CACNA1C: variants seen among roughly 807,000 people sequenced by gnomAD.
The protein encoded by CACNA1C is calcium voltage-gated channel subunit alpha1 C, also known as voltage-dependent L-type calcium channel subunit alpha-1C.
CACNA1C carries 30 observed loss-of-function variants against 229.0 expected under a neutral mutation model. The ratio of observed to expected loss-of-function variants is 0.13; its 90% CI spans 0.10 to 0.18. The LOEUF is 0.18. CACNA1C is among the 10% of genes least tolerant of loss of function. The pLI, the probability that CACNA1C is intolerant of heterozygous loss-of-function variation, is 1.00. For synonymous variants in CACNA1C, 1,114 were observed against 1,132.5 expected (o/e 0.98, Z 0.33); for missense variants, 1,658 against 2,845.0 (o/e 0.58, Z 9.49).
chr12:2,216,710 G>T (rs1032488909), intron 3 of CACNA1C, among the ~76,000 whole-genome samples: 8 of 152,182 alleles, frequency 5.3e-5, no homozygotes, highest in Middle Eastern at 3.2e-3. Flanking sequence ...CCTTCATAGG[G>T]CTGGGACATC....
chr12:2,078,114 G>A (rs544578764), intron 1 of CACNA1C, among the ~76,000 whole-genome samples: 33 of 152,194 alleles, frequency 2.2e-4, no homozygotes, highest in Non-Finnish European at 4.1e-4. Context: ...GATGAGGCCA[G>A]GAGGTGGGCC....
At chr12:2,293,955 G>T (rs538019464) in intron 3 of CACNA1C, among the ~76,000 whole-genome samples, 1 of 152,036 alleles carries the variant, frequency 6.6e-6, no homozygotes, top group African/African-American at 2.4e-5. Context: ...AACTCTAATA[G>T]CAAGTCTTCT....
At chr12:1,991,000 G>T in intron 1 of CACNA1C, 1 of 371,152 alleles carries the variant, frequency 2.7e-6, no homozygotes, top group South Asian at 2.0e-5. Flanking sequence ...AAAAAAAAAG[G>T]CAAAATGAAT....
chr12:2,337,937 A>G (rs1391550425), intron 3 of CACNA1C, among the ~76,000 whole-genome samples: 1 of 152,186 alleles, frequency 6.6e-6, no homozygotes, highest in African/African-American at 2.4e-5. Context: ...AGTATCCCAC[A>G]GGCAGCCCCC....
intron 1 of CACNA1C, among the ~76,000 whole-genome samples, chr12:2,097,988 G>A (rs2074959926): frequency 6.6e-6 from 1 of 152,214 alleles, no homozygotes; most frequent in Non-Finnish European, 1.5e-5. Context: ...ACCTCGTACG[G>A]TATCTGGTGG....
At chr12:2,277,636 A>G (rs2089349393) in intron 3 of CACNA1C, among the ~76,000 whole-genome samples, 1 of 152,136 alleles carries the variant, frequency 6.6e-6, no homozygotes, top group African/African-American at 2.4e-5. Flanking sequence ...TTCCTCTTGA[A>G]GGTCCCAGTT....
intron 13 of CACNA1C, 72 bp from the exon 14 acceptor site, chr12:2,581,518 G>C: frequency 1.5e-6 from 2 of 1,372,814 alleles, no homozygotes; most frequent in East Asian, 2.5e-5. Context: ...GCAGTGGGCA[G>C]TTGTGAGAAT....
chr12:2,127,520 C>A (rs1484703875), intron 3 of CACNA1C, among the ~76,000 whole-genome samples: 1 of 152,160 alleles, frequency 6.6e-6, no homozygotes, highest in Non-Finnish European at 1.5e-5. Flanking sequence ...ATAAAATACA[C>A]TAATAGATAA....
At chr12:2,538,697 A>G (rs1391517679) in intron 9 of CACNA1C, among the ~76,000 whole-genome samples, 1 of 152,206 alleles carries the variant, frequency 6.6e-6, no homozygotes, top group Non-Finnish European at 1.5e-5. Context: ...TAAGACTCCA[A>G]ACTGGGCAAA....
chr12:2,219,713 T>G (rs2060945771), intron 3 of CACNA1C, among the ~76,000 whole-genome samples: 1 of 152,230 alleles, frequency 6.6e-6, no homozygotes, highest in Non-Finnish European at 1.5e-5. Flanking sequence ...TATGAAAGTT[T>G]CTCTGTGGAG....
At chr12:2,570,773 G>C (rs1362686705) in intron 13 of CACNA1C, among the ~76,000 whole-genome samples, 1 of 152,176 alleles carries the variant, frequency 6.6e-6, no homozygotes, top group Non-Finnish European at 1.5e-5. Context: ...GGAATTACCT[G>C]CTGTGAGAAA....
chr12:2,092,111 A>G (rs944310308), intron 1 of CACNA1C, among the ~76,000 whole-genome samples: 2 of 152,200 alleles, frequency 1.3e-5, no homozygotes, highest in Admixed American at 1.3e-4. Context: ...GAGGAAAGTT[A>G]TATGAAACTT....
intron 3 of CACNA1C, among the ~76,000 whole-genome samples, chr12:2,342,793 T>A (rs534923385): frequency 6.6e-6 from 1 of 152,374 alleles, no homozygotes; most frequent in East Asian, 1.9e-4. Flanking sequence ...TAACGTTAAA[T>A]CAGCCTGAGT....
At chr12:2,004,613 C>T in intron 1 of CACNA1C, 1 of 812,614 alleles carries the variant, frequency 1.2e-6, no homozygotes, top group Non-Finnish European at 1.9e-6. Context: ...TAATCGATGG[C>T]CGCGCCCCGC....
intron 1 of CACNA1C, among the ~76,000 whole-genome samples, chr12:2,027,055 A>T (rs960188417): frequency 1.2e-4 from 18 of 152,232 alleles, no homozygotes; most frequent in African/African-American, 4.1e-4. Context: ...ATATTTCATT[A>T]AATTAAAATG....
chr12:2,101,868 T>C (rs1478462170), intron 1 of CACNA1C, among the ~76,000 whole-genome samples: 1 of 151,796 alleles, frequency 6.6e-6, no homozygotes, highest in Non-Finnish European at 1.5e-5. Context: ...GTACTCACCC[T>C]CTGCCTCTGC....
intron 1 of CACNA1C, among the ~76,000 whole-genome samples, chr12:2,106,006 C>T (rs1223768547): frequency 3.8e-5 from 2 of 53,080 alleles, no homozygotes; most frequent in Non-Finnish European, 9.4e-5. Flanking sequence ...GGGCGCCCAC[C>T]CCGGGGAGGG....
At chr12:2,077,966 A>C (rs567739074) in intron 1 of CACNA1C, among the ~76,000 whole-genome samples, 1 of 152,368 alleles carries the variant, frequency 6.6e-6, no homozygotes, top group Admixed American at 6.5e-5. Context: ...ACATTGATAG[A>C]TTAATGGATA....
chr12:2,588,379 T>A (rs1367085298), intron 18 of CACNA1C, among the ~76,000 whole-genome samples: 2 of 152,162 alleles, frequency 1.3e-5, no homozygotes, highest in Non-Finnish European at 2.9e-5. Flanking sequence ...AAAGGGCCGG[T>A]GTCAGGGAGC....
Sources: gnomAD v4.1 joint callset for allele counts (sites outside exome capture counted in the v4.1 genomes callset) on GRCh38, gnomAD v4.1.1 for gene constraint, MANE v1.5 for transcripts, NCBI Gene and HGNC (gene_info 2026-07-23, HGNC 2026-07-21) for gene names.